Variants in SCHIP1 observed in about 807,000 individuals in gnomAD.
SCHIP1 encodes schwannomin-interacting protein 1.
A neutral mutation model predicts 29.7 loss-of-function variants in SCHIP1; 8 were observed. The ratio of observed to expected loss-of-function variants is 0.27; its 90% CI spans 0.16 to 0.49. The LOEUF is 0.49. SCHIP1 is among the 20% of genes least tolerant of loss of function. The probability of loss-of-function intolerance (pLI) is 0.99; values close to 1 mark genes in which losing one functional copy is unlikely to be tolerated. For synonymous variants in SCHIP1, 76 were observed against 94.9 expected (o/e 0.80, Z 1.16); for missense variants, 193 against 294.6 (o/e 0.66, Z 2.52).
the SCHIP1 span, among the ~76,000 whole-genome samples, chr3:159,458,191 G>T: frequency 6.6e-6 from 1 of 152,088 alleles, no homozygotes; most frequent in Non-Finnish European, 1.5e-5. Flanking sequence ...AATGTGTCTG[G>T]GTGACTCATG....
intron 1 of SCHIP1, among the ~76,000 whole-genome samples, chr3:159,858,791 G>A (rs1210550675): frequency 5.9e-5 from 9 of 152,180 alleles, no homozygotes; most frequent in African/African-American, 1.7e-4. Context: ...CAGCTCTCTC[G>A]TGGGTACAGG....
the SCHIP1 span, among the ~76,000 whole-genome samples, chr3:159,275,424 TA>T: frequency 6.6e-6 from 1 of 152,154 alleles, no homozygotes; most frequent in Non-Finnish European, 1.5e-5. Context: ...TTGTACATTC[TA>T]ATCCAGAAGA....
chr3:159,570,054 G>A, the SCHIP1 span, among the ~76,000 whole-genome samples: 1 of 152,196 alleles, frequency 6.6e-6, no homozygotes, highest in Non-Finnish European at 1.5e-5. Context: ...CCCTTTGTCA[G>A]ATGAGTAGAT....
the SCHIP1 span, among the ~76,000 whole-genome samples, chr3:159,420,950 C>G: frequency 6.6e-6 from 1 of 152,190 alleles, no homozygotes; most frequent in Non-Finnish European, 1.5e-5. Context: ...CAGGCAATTT[C>G]TTAAGACAAG....
At chr3:159,290,073 A>G in the SCHIP1 span, among the ~76,000 whole-genome samples, 1 of 152,220 alleles carries the variant, frequency 6.6e-6, no homozygotes, top group East Asian at 1.9e-4. Context: ...CTACAGACCT[A>G]AGACGATGAC....
the SCHIP1 span, among the ~76,000 whole-genome samples, chr3:159,659,645 T>C: frequency 6.6e-6 from 1 of 152,206 alleles, no homozygotes; most frequent in African/African-American, 2.4e-5. Context: ...TCAATTGTGC[T>C]AAGAAGACTG....
At chr3:159,398,869 C>T in the SCHIP1 span, 1 of 521,770 alleles carries the variant, frequency 1.9e-6, no homozygotes, top group South Asian at 8.3e-5. Flanking sequence ...AGTTTTAGTA[C>T]CTTAGGACAC....
At chr3:159,835,490 C>T (rs541307645), upstream of SCHIP1, among the ~76,000 whole-genome samples, 6 of 152,304 alleles carry the variant, frequency 3.9e-5, no homozygotes, top group East Asian at 9.6e-4. Context: ...TTTCCATTGA[C>T]CTATCCATCT....
chr3:159,495,042 G>C, the SCHIP1 span, among the ~76,000 whole-genome samples: 1 of 152,180 alleles, frequency 6.6e-6, no homozygotes, highest in Non-Finnish European at 1.5e-5. Context: ...AAAGGCCTTT[G>C]ACAAAATTCA....
the SCHIP1 span, among the ~76,000 whole-genome samples, chr3:159,748,704 C>T: frequency 6.6e-6 from 1 of 152,240 alleles, no homozygotes; most frequent in Non-Finnish European, 1.5e-5. Context: ...AGGTAATAGA[C>T]TCATTTCAAG....
At chr3:159,573,025 C>G in the SCHIP1 span, among the ~76,000 whole-genome samples, 2 of 150,698 alleles carry the variant, frequency 1.3e-5, no homozygotes, top group African/African-American at 2.4e-5. Context: ...TGAGATGGGT[C>G]TCCTGCACAC....
the SCHIP1 span, among the ~76,000 whole-genome samples, chr3:159,589,472 G>T: frequency 6.6e-6 from 1 of 152,074 alleles, no homozygotes; most frequent in Non-Finnish European, 1.5e-5. Context: ...CTGCCTGATT[G>T]CCCTGGCCAG....
At chr3:159,801,129 G>A in the SCHIP1 span, among the ~76,000 whole-genome samples, 36,717 of 151,706 alleles carry the variant, frequency 0.24, 4,722 homozygotes, top group East Asian at 0.45. Context: ...TATCAAATAC[G>A]AGTGACTCAA....
chr3:159,280,585 A>T, the SCHIP1 span, among the ~76,000 whole-genome samples: 1 of 152,172 alleles, frequency 6.6e-6, no homozygotes, highest in African/African-American at 2.4e-5. Context: ...GTGCTTCGAG[A>T]TATTTGGAAC....
chr3:159,642,408 G>T, the SCHIP1 span, among the ~76,000 whole-genome samples: 1 of 152,142 alleles, frequency 6.6e-6, no homozygotes, highest in South Asian at 2.1e-4. Flanking sequence ...CATAACAAAT[G>T]TGACTCCTTA....
the SCHIP1 span, among the ~76,000 whole-genome samples, chr3:159,558,354 C>A: frequency 6.6e-6 from 1 of 152,056 alleles, no homozygotes; most frequent in African/African-American, 2.4e-5. Context: ...ATAAGATATT[C>A]TCTTGCTTAT....
chr3:159,570,241 T>C, the SCHIP1 span, among the ~76,000 whole-genome samples: 1 of 152,216 alleles, frequency 6.6e-6, no homozygotes, highest in Non-Finnish European at 1.5e-5. Context: ...TGAATGGTAT[T>C]GCCTAGGTTT....
the SCHIP1 span, among the ~76,000 whole-genome samples, chr3:159,510,492 T>C: frequency 1.3e-5 from 2 of 152,256 alleles, no homozygotes; most frequent in Non-Finnish European, 2.9e-5. Context: ...TTTGTCCAGC[T>C]TTGTTCCGTT....
intron 4 of SCHIP1, 166 bp downstream of exon 5, chr3:159,888,071 G>T (rs1717133086): frequency 2.0e-6 from 2 of 976,274 alleles, no homozygotes; most frequent in Non-Finnish European, 1.5e-6. Context: ...CCTTCCTACT[G>T]TAGGACTGAA....
Sources: gnomAD v4.1 joint callset for allele counts (sites outside exome capture counted in the v4.1 genomes callset) on GRCh38, gnomAD v4.1.1 for gene constraint, MANE v1.5 for transcripts, NCBI Gene and HGNC (gene_info 2026-07-23, HGNC 2026-07-21) for gene names.